The following TMTC2 variants were observed in gnomAD, a reference collection of about 807,000 sequenced individuals.
The protein encoded by TMTC2 is transmembrane O-mannosyltransferase targeting cadherins 2.
Under a neutral mutation model 82.4 loss-of-function variants are expected in TMTC2, and 43 were observed. The observed-to-expected ratio is 0.52, with a 90% CI of 0.41 to 0.67. The LOEUF (loss-of-function observed/expected upper bound fraction) is 0.67. Among genes scored for constraint, TMTC2 ranks in the 30% least tolerant of loss-of-function variants. The pLI, the probability that TMTC2 is intolerant of heterozygous loss-of-function variation, is 0.00. For missense variants in TMTC2, 919 were observed against 1,012.4 expected, an observed-to-expected ratio of 0.91 and a Z score of 1.25; for synonymous variants, 408 against 381.9, an observed-to-expected ratio of 1.07 and a Z score of -0.80.
At chr12:82,975,243 T>C (rs1223620328) in intron 7 of TMTC2, among the ~76,000 whole-genome samples, 2 of 152,158 alleles carry the variant, frequency 1.3e-5, no homozygotes, top group Non-Finnish European at 2.9e-5. Context: ...CATTACTAAT[T>C]GTATGTATTT....
chr12:82,715,772 C>A (rs1036233510), intron 1 of TMTC2, among the ~76,000 whole-genome samples: 7 of 152,034 alleles, frequency 4.6e-5, no homozygotes, highest in Admixed American at 6.6e-5. Context: ...TGAAGCTGCC[C>A]GTTCAGTTCA....
rs775062295 is a variant in TMTC2 at position 82,896,103 on chromosome 12, G to C, written c.940G>C (p.Val314Leu). 6.2e-7 allele frequency: 1 copy of C among 1,613,918 alleles called. No individual in the cohort carries two copies. The highest frequency in any genetic ancestry group is 1.3e-5 in the African/African-American group (1 of 74,868). Residue 314 changes from valine (V) to leucine (L), a missense_variant, in exon 3 of 12, where the codon GTG becomes CTG. By Grantham distance (32) the Val-to-Leu change is conservative (BLOSUM62 1). Coordinates refer to ENST00000321196, the MANE Select transcript of TMTC2 (RefSeq NM_152588.3). ...TTGTGACTGGAGAAACCTACACACTGTGGCCTTCTATACTGGACTCCTTCT... is the reference window on the plus strand; with the variant it reads ...TTGTGACTGGAGAAACCTACACACTCTGGCCTTCTATACTGGACTCCTTCT... ...TVCDWRNLHT[V>L]AFYTGLLLLA...
chr12:82,883,094 T>G (rs1431200729), intron 2 of TMTC2, among the ~76,000 whole-genome samples: 2 of 145,726 alleles, frequency 1.4e-5, no homozygotes, highest in Admixed American at 1.4e-4. Flanking sequence ...CAAAACCTTA[T>G]AGTCGGCCTC....
intron 4 of TMTC2, among the ~76,000 whole-genome samples, chr12:82,936,588 A>G (rs1876329860): frequency 6.6e-6 from 1 of 152,168 alleles, no homozygotes; most frequent in South Asian, 2.1e-4. Flanking sequence ...ATTTAATATT[A>G]CAATTAAATT....
chr12:82,786,938 T>C (rs1192434068), intron 1 of TMTC2, among the ~76,000 whole-genome samples: 4 of 152,180 alleles, frequency 2.6e-5, no homozygotes, highest in Admixed American at 1.3e-4. Context: ...TACTTTCTTA[T>C]TACAAGCTAG....
At chr12:82,730,832 A>G (rs1170794657) in intron 1 of TMTC2, among the ~76,000 whole-genome samples, 1 of 152,194 alleles carries the variant, frequency 6.6e-6, no homozygotes, top group Admixed American at 6.5e-5. Context: ...CTACTTAGAA[A>G]TTGTGAGATA....
At chr12:82,749,703 GA>G (rs1875873721) in intron 1 of TMTC2, among the ~76,000 whole-genome samples, 1 of 150,994 alleles carries the variant, frequency 6.6e-6, no homozygotes, top group Non-Finnish European at 1.5e-5. Flanking sequence ...TGTGTTAACA[GA>G]TAGAAACTGT....
chr12:83,122,560 T>C (rs2137562997), intron 11 of TMTC2, among the ~76,000 whole-genome samples: 1 of 152,242 alleles, frequency 6.6e-6, no homozygotes. Flanking sequence ...CCAGGCAAAG[T>C]CACAATCTTC....
At position 82,732,550 on chromosome 12, in the gene TMTC2, A is replaced by C. The variant is rs550281942; in HGVS notation, c.83+44881A>C. On this transcript the variant is annotated intron_variant, in intron 1 of 11. Coordinates refer to ENST00000321196, the MANE Select transcript of TMTC2 (RefSeq NM_152588.3). ...AGTAGAAATGGGGTTTCACCGTGTT[A>C]GCCAGGATGGTCTCGATCTCCTGAC... is the stretch of plus-strand genomic sequence containing the variant. 2.6e-5 allele frequency among the ~76,000 whole-genome samples: 4 copies of C among 152,170 alleles called. No individual in the cohort carries two copies. The South Asian group carries it at 8.3e-4, about 32-fold the overall frequency.
At chr12:82,712,530 T>C (rs368785390) in intron 1 of TMTC2, among the ~76,000 whole-genome samples, 42 of 151,452 alleles carry the variant, frequency 2.8e-4, no homozygotes, top group African/African-American at 9.2e-4. Flanking sequence ...AGGAGGGGTC[T>C]CCAAATCATG....
At chr12:83,092,810 AT>A (rs1437185185) in intron 11 of TMTC2, among the ~76,000 whole-genome samples, 2 of 152,222 alleles carry the variant, frequency 1.3e-5, no homozygotes, top group Admixed American at 6.5e-5. Context: ...AAAGAGACAC[AT>A]GCAAATTATT....
rs537187207 is a variant in TMTC2, at chr12:82,777,342, G to T, written c.84-79668G>T. Among the ~76,000 whole-genome samples, 96 of 152,212 alleles carry T rather than the reference G, an allele frequency of 6.3e-4. 2 individuals carry two copies. Among genetic ancestry groups the T allele is most frequent in the Non-Finnish European group, 1.1e-3 (74 of 68,012 alleles). ...TAGAACTGGTTGGTTATTAAGATAGGTTAAATATGCTTTTCTCTTTAAAAC... is the reference window on the plus strand; with the variant it reads ...TAGAACTGGTTGGTTATTAAGATAGTTTAAATATGCTTTTCTCTTTAAAAC... On this transcript the variant is annotated intron_variant, in intron 1 of 11. Transcript: ENST00000321196.
chr12:83,027,608 C>G (rs919088607), intron 8 of TMTC2, among the ~76,000 whole-genome samples: 2 of 152,194 alleles, frequency 1.3e-5, no homozygotes, highest in Admixed American at 1.3e-4. Flanking sequence ...TTACTGTACT[C>G]TCCTGAGAAC....
At chr12:82,901,594 A>G (rs951445302) in intron 3 of TMTC2, among the ~76,000 whole-genome samples, 3 of 151,990 alleles carry the variant, frequency 2.0e-5, no homozygotes, top group Admixed American at 6.6e-5. Flanking sequence ...TATCTGTAAT[A>G]TTAGTAAAAG....
chr12:82,919,594 GCCT>G (rs1255150058), intron 3 of TMTC2, among the ~76,000 whole-genome samples: 5 of 152,228 alleles, frequency 3.3e-5, no homozygotes, highest in Middle Eastern at 3.4e-3. Context: ...CCAGATGTGA[GCCT>G]GTAACATCAA....
chr12:82,720,028 G>GT (rs1186596227), intron 1 of TMTC2, among the ~76,000 whole-genome samples: 3 of 151,916 alleles, frequency 2.0e-5, no homozygotes, highest in South Asian at 2.1e-4. Flanking sequence ...CATATTTTCT[G>GT]TTTTTTTGTC....
intron 3 of TMTC2, among the ~76,000 whole-genome samples, chr12:82,900,919 T>C (rs374390118): frequency 1.1e-3 from 117 of 108,232 alleles, no homozygotes; most frequent in Middle Eastern, 0.013. Context: ...TATATATATA[T>C]CTGGAATATA....
chr12:82,953,454 T>C (rs968007886), intron 4 of TMTC2, among the ~76,000 whole-genome samples: 5 of 152,246 alleles, frequency 3.3e-5, no homozygotes, highest in African/African-American at 1.2e-4. Context: ...GAATTTTGAC[T>C]CATATCTATT....
intron 9 of TMTC2, among the ~76,000 whole-genome samples, chr12:83,039,168 G>A (rs1253444528): frequency 6.6e-6 from 1 of 151,978 alleles, no homozygotes; most frequent in Admixed American, 6.6e-5. Flanking sequence ...CCTGACCTCA[G>A]GTGATCCACC....
Sources: allele counts gnomAD v4.1 joint callset (sites outside exome capture counted in the v4.1 genomes callset), GRCh38; gene constraint gnomAD v4.1.1; transcripts MANE v1.5; gene names NCBI Gene and HGNC (gene_info 2026-07-23, HGNC 2026-07-21).